SMAD2: variants seen among roughly 807,000 people sequenced by gnomAD.
The protein encoded by SMAD2 is SMAD family member 2, also known as MAD homolog 2.
SMAD2 carries 8 observed loss-of-function variants against 64.4 expected under a neutral mutation model. The ratio of observed to expected loss-of-function variants is 0.12; its 90% confidence interval spans 0.07 to 0.22. The LOEUF is 0.22. Among genes scored for constraint, SMAD2 ranks in the 10% least tolerant of loss-of-function variants. SMAD2 has a pLI of 1.00. For missense variants in SMAD2, 289 were observed against 561.2 expected (o/e 0.51, Z 4.90); for synonymous variants, 203 against 195.8 (o/e 1.04, Z -0.31).
intron 6 of SMAD2, among the ~76,000 whole-genome samples, chr18:47,857,808 G>C (rs2030845864): frequency 6.6e-6 from 1 of 152,190 alleles, no homozygotes; most frequent in Non-Finnish European, 1.5e-5. Context: ...CTCTTCACCA[G>C]TCAGTTTTAA....
Position 47,825,071 on chromosome 18 carries a change from G to A in SMAD2, c.*16756C>T, listed in dbSNP as rs548432456. On this transcript the variant is annotated 3_prime_UTR_variant, in exon 11 of 11. Transcript: ENST00000262160. ...TAAAGTCCCATCCACTGGGCTGCCAGTAAAAGACCACAAAATATTTTTGTG... is the reference window on the plus strand; with the variant it reads ...TAAAGTCCCATCCACTGGGCTGCCAATAAAAGACCACAAAATATTTTTGTG... The A allele has an allele frequency of 5.3e-4, 80 of 152,290 alleles. No homozygotes were observed. Among genetic ancestry groups the A allele is most frequent in the African/African-American group, 1.8e-3 (76 of 41,562 alleles). The allele number at this position is 152,290 out of a possible 1,614,324, so 9.4% of individuals were successfully genotyped here.
Position 47,831,746 on chromosome 18 carries a change from T to C in SMAD2, c.*10081A>G, listed in dbSNP as rs1913002233. ...TAATGTGATTTTAAGAATTACTGCA[T>C]GTCTCACTATGGCAAAATAGCATGA... On this transcript the variant is annotated 3_prime_UTR_variant, in exon 11 of 11. Coordinates refer to ENST00000262160, the MANE Select transcript of SMAD2 (RefSeq NM_005901.6). The C allele has an allele frequency of 6.6e-6, 1 of 151,834 alleles. No homozygotes were observed. Among genetic ancestry groups the C allele is most frequent in the Admixed American group, 6.7e-5 (1 of 15,018 alleles). 9.4% of individuals were successfully genotyped at this position (151,834 alleles called of 1,614,324 possible).
intron 1 of SMAD2, among the ~76,000 whole-genome samples, chr18:47,901,356 C>G (rs2033678338): frequency 6.6e-6 from 1 of 152,076 alleles, no homozygotes. Context: ...GGATGGTATA[C>G]CTTTTCGCAT....
chr18:47,830,674 A>C lies in SMAD2; in HGVS notation c.*11153T>G, dbSNP rs548693405. Reference sequence around the variant, plus strand: ...CATCATTTGTATTAAAATCTTATTTACATGGTACTTATGTAGTTTGATCAA... The same window carrying C: ...CATCATTTGTATTAAAATCTTATTTCCATGGTACTTATGTAGTTTGATCAA... On this transcript the variant is annotated 3_prime_UTR_variant, in exon 11 of 11. Transcript: ENST00000262160. 1.3e-5 allele frequency: 2 copies of C among 152,524 alleles called. No individual in the cohort carries two copies. The highest frequency in any genetic ancestry group is 1.9e-4 in the East Asian group (1 of 5,248). The allele number at this position is 152,524 out of a possible 1,614,324, so 9.4% of individuals were successfully genotyped here.
intron 2 of SMAD2, among the ~76,000 whole-genome samples, chr18:47,886,609 C>CTATCTATG (rs2032921702): frequency 6.6e-6 from 1 of 151,120 alleles, no homozygotes; most frequent in Admixed American, 6.6e-5. Context: ...ATCTATCTAT[C>CTATCTATG]TATCTAACCA....
At position 47,869,400 on chromosome 18, in the gene SMAD2, T is replaced by C. The variant is rs774563790; in HGVS notation, c.363A>G (p.Lys121=). The change falls in exon 4 of 11, where the codon AAA becomes AAG. Residue 121 remains lysine, a synonymous_variant. Coordinates refer to ENST00000262160, the MANE Select transcript of SMAD2 (RefSeq NM_005901.6). ...GGCAATATATAACATGTGGCAATCC[T>C]TTTCGATGGGATACCTGGAGACGAC... The part of the protein sequence containing the change: ...LDGRLQVSHR[K]GLPHVIYCRL... 6 of 1,613,056 alleles carry C rather than the reference T, an allele frequency of 3.7e-6. No homozygotes were observed. The South Asian group carries it at 6.6e-5, about 18-fold the overall frequency.
chr18:47,876,427 T>C (rs1474681911), intron 2 of SMAD2, among the ~76,000 whole-genome samples: 1 of 152,070 alleles, frequency 6.6e-6, no homozygotes, highest in Non-Finnish European at 1.5e-5. Flanking sequence ...ACGTATGTTA[T>C]CTCACGCAAA....
At chr18:47,850,317 T>TA (rs1915102061) in intron 7 of SMAD2, among the ~76,000 whole-genome samples, 1 of 43,672 alleles carries the variant, frequency 2.3e-5, no homozygotes, top group African/African-American at 1.0e-4. Context: ...GTATGTTATA[T>TA]ACATATTATG....
chr18:47,918,891 G>A (rs988543847), intron 1 of SMAD2, among the ~76,000 whole-genome samples: 1 of 152,118 alleles, frequency 6.6e-6, no homozygotes, highest in Non-Finnish European at 1.5e-5. Context: ...CCCAACAACA[G>A]TTCCAAACAG....
In SMAD2 at chr18:47,820,864, T is replaced by C. The variant is rs1264927373; in HGVS notation, c.*20963A>G. On this transcript the variant is annotated 3_prime_UTR_variant, in exon 11 of 11. Transcript: ENST00000262160. ...TATACATATGCTATATATTTGTATA[T>C]ACACGATAGTGTAAATGCTATACAT... 4 of 151,432 alleles carry C rather than the reference T, an allele frequency of 2.6e-5. No homozygotes were observed. Among genetic ancestry groups the C allele is most frequent in the African/African-American group, 9.7e-5 (4 of 41,134 alleles). The allele number at this position is 151,432 out of a possible 1,614,324, so 9.4% of individuals were successfully genotyped here. A position where few individuals can be genotyped will look rare whatever the true frequency, so the allele number is the denominator to read the frequency against.
chr18:47,895,063 C>T (rs77194751), intron 2 of SMAD2, among the ~76,000 whole-genome samples: 193 of 152,324 alleles, frequency 1.3e-3, no homozygotes, highest in African/African-American at 4.6e-3. Flanking sequence ...ACACATACCA[C>T]TCTCCCGCAG....
Position 47,824,966 on chromosome 18 carries a change from T to C in SMAD2, c.*16861A>G, listed in dbSNP as rs1432916022. The C allele has an allele frequency of 2.0e-5, 3 of 152,232 alleles. No individual in the cohort carries two copies. Among genetic ancestry groups the C allele is most frequent in the Non-Finnish European group, 4.4e-5 (3 of 68,038 alleles). The allele number at this position is 152,232 out of a possible 1,614,324, so 9.4% of individuals were successfully genotyped here. A position where few individuals can be genotyped will look rare whatever the true frequency, so the allele number is the denominator to read the frequency against. On this transcript the variant is annotated 3_prime_UTR_variant, in exon 11 of 11. Coordinates refer to ENST00000262160, the MANE Select transcript of SMAD2 (RefSeq NM_005901.6). ...GAAGCTTCAAACATTTTCCATTGAA[T>C]ATACACAGACATACAAATAAAGACT...
intron 6 of SMAD2, among the ~76,000 whole-genome samples, chr18:47,853,051 G>T (rs1019852675): frequency 6.6e-6 from 1 of 152,078 alleles, no homozygotes; most frequent in East Asian, 1.9e-4. Context: ...GATAGGTCAG[G>T]CTGGGCATGG....
At position 47,833,167 on chromosome 18, in the gene SMAD2, C is replaced by T. The variant is rs998815752; in HGVS notation, c.*8660G>A. 4.9e-6 allele frequency: 1 copy of T among 205,368 alleles called. No homozygotes were observed. Among genetic ancestry groups the T allele is most frequent in the African/African-American group, 2.3e-5 (1 of 43,774 alleles). 12.7% of individuals were successfully genotyped at this position (205,368 alleles called of 1,614,324 possible). A position where few individuals can be genotyped will look rare whatever the true frequency, so the allele number is the denominator to read the frequency against. On this transcript the variant is annotated 3_prime_UTR_variant, in exon 11 of 11. Transcript: ENST00000262160. ...TGTCCACCTTTCAACGGTGACAGGGCTGTTAACACAGGTAAGAGCAAACAA... is the reference window on the plus strand; with the variant it reads ...TGTCCACCTTTCAACGGTGACAGGGTTGTTAACACAGGTAAGAGCAAACAA...
intron 1 of SMAD2, among the ~76,000 whole-genome samples, chr18:47,927,643 TA>T (rs1458229273): frequency 6.6e-6 from 1 of 152,222 alleles, no homozygotes; most frequent in African/African-American, 2.4e-5. Flanking sequence ...CTCACGCCTG[TA>T]ATCCCAGCAC....
chr18:47,907,098 T>C (rs2033935512), intron 1 of SMAD2, among the ~76,000 whole-genome samples: 1 of 152,144 alleles, frequency 6.6e-6, no homozygotes, highest in Non-Finnish European at 1.5e-5. Context: ...ACTGCTGAAA[T>C]GAAAGTATAA....
chr18:47,872,304 T>C (rs916094199), intron 2 of SMAD2, among the ~76,000 whole-genome samples: 1 of 152,128 alleles, frequency 6.6e-6, no homozygotes, highest in Non-Finnish European at 1.5e-5. Context: ...TTTTTTAAAA[T>C]AAGCCAATTT....
In SMAD2 at chr18:47,921,629, C is replaced by G. The variant is rs554269796; in HGVS notation, c.-54+8732G>C. Reference sequence around the variant, plus strand: ...GAAGCCCCAGATGTTTCAATGATACCAGAACACTTTTCATTTTTTAATTTT... The same window carrying G: ...GAAGCCCCAGATGTTTCAATGATACGAGAACACTTTTCATTTTTTAATTTT... On this transcript the variant is annotated intron_variant, in intron 1 of 10. Transcript: ENST00000262160. Among the ~76,000 whole-genome samples, 3 of 152,206 alleles carry G rather than the reference C, an allele frequency of 2.0e-5. 1 individual carries two copies. The South Asian group carries it at 6.2e-4, about 32-fold the overall frequency.
chr18:47,860,277 T>C (rs2031071243), intron 6 of SMAD2, among the ~76,000 whole-genome samples: 1 of 152,046 alleles, frequency 6.6e-6, no homozygotes, highest in African/African-American at 2.4e-5. Context: ...TCTGGAAAAA[T>C]CAAACTTTGT....
Sources: gnomAD v4.1 joint callset for allele counts (sites outside exome capture counted in the v4.1 genomes callset) on GRCh38, gnomAD v4.1.1 for gene constraint, MANE v1.5 for transcripts, NCBI Gene and HGNC (gene_info 2026-07-23, HGNC 2026-07-21) for gene names.